Variants in CCDC77 observed in about 807,000 individuals in gnomAD.
CCDC77 encodes coiled-coil domain containing 77.
CCDC77 carries 56 observed loss-of-function variants against 66.8 expected under a neutral mutation model. The observed-to-expected ratio is 0.84, with a 90% confidence interval of 0.68 to 1.05. The LOEUF is 1.05. CCDC77 is among the 50% of genes least tolerant of loss of function. CCDC77 has a pLI of 0.00. For missense variants in CCDC77, 570 were observed against 576.8 expected (o/e 0.99, Z 0.12); for synonymous variants, 196 against 195.2 (o/e 1.00, Z -0.03).
intron 5 of CCDC77, among the ~76,000 whole-genome samples, chr12:423,306 A>AT (rs1399129967): frequency 1.4e-4 from 17 of 122,636 alleles, no homozygotes; most frequent in South Asian, 2.4e-4. Flanking sequence ...ATATATATAT[A>AT]TATTTTTTTT....
intron 9 of CCDC77, among the ~76,000 whole-genome samples, chr12:434,178 T>C (rs1945704223): frequency 6.6e-6 from 1 of 152,086 alleles, no homozygotes; most frequent in Admixed American, 6.6e-5. Context: ...AAAAAGGTTA[T>C]TTTTAAAATC....
At chr12:418,897 C>T in intron 5 of CCDC77, 2 of 363,002 alleles carry the variant, frequency 5.5e-6, no homozygotes, top group Non-Finnish European at 1.0e-5. Flanking sequence ...TGGGGTTTTG[C>T]CCTGTCAGCC....
At chr12:422,254 G>A (rs1265354694) in intron 5 of CCDC77, among the ~76,000 whole-genome samples, 1 of 152,152 alleles carries the variant, frequency 6.6e-6, no homozygotes, top group Admixed American at 6.5e-5. Flanking sequence ...TGTGTGTGCT[G>A]GGAGTGAGAG....
At chr12:431,034 C>T (rs1471808197) in intron 7 of CCDC77, among the ~76,000 whole-genome samples, 1 of 134,480 alleles carries the variant, frequency 7.4e-6, no homozygotes, top group Non-Finnish European at 1.5e-5. Context: ...GAGCTGAGAT[C>T]GTGCCATTGC....
chr12:415,467 CAT>C (rs754170873), intron 4 of CCDC77, among the ~76,000 whole-genome samples: 11 of 145,020 alleles, frequency 7.6e-5, no homozygotes, highest in Middle Eastern at 3.6e-3. Flanking sequence ...TAATTATTAA[CAT>C]AATAATATGT....
At chr12:391,582 ACATT>A (rs1353626602) in intron 1 of CCDC77, among the ~76,000 whole-genome samples, 2 of 152,258 alleles carry the variant, frequency 1.3e-5, no homozygotes, top group African/African-American at 4.8e-5. Context: ...ATTTTATTAA[ACATT>A]CAATTAAATG....
chr12:408,667 C>T (rs1004366906), intron 2 of CCDC77, among the ~76,000 whole-genome samples: 2 of 152,100 alleles, frequency 1.3e-5, no homozygotes, highest in African/African-American at 2.4e-5. Flanking sequence ...GCACCTCGCT[C>T]TATGTACTGT....
intron 5 of CCDC77, among the ~76,000 whole-genome samples, chr12:428,072 T>A (rs1945568351): frequency 6.6e-6 from 1 of 152,180 alleles, no homozygotes; most frequent in African/African-American, 2.4e-5. Flanking sequence ...GGCAGAAACT[T>A]GGGTGAGGCA....
chr12:390,622 G>A (rs1217988701), intron 1 of CCDC77, among the ~76,000 whole-genome samples: 2 of 152,142 alleles, frequency 1.3e-5, no homozygotes, highest in African/African-American at 4.8e-5. Flanking sequence ...TCTCAGACTT[G>A]AACTGTAGCA....
chr12:407,227 G>A (rs1172668585), intron 2 of CCDC77, among the ~76,000 whole-genome samples: 2 of 152,208 alleles, frequency 1.3e-5, no homozygotes, highest in Non-Finnish European at 2.9e-5. Context: ...ATATTTGGAT[G>A]AGCTAGCCAG....
chr12:434,535 A>G (rs769270131), intron 9 of CCDC77, among the ~76,000 whole-genome samples: 2 of 151,956 alleles, frequency 1.3e-5, no homozygotes, highest in Non-Finnish European at 2.9e-5. Flanking sequence ...TATATTTAGT[A>G]GAGACGGGGT....
chr12:391,973 C>T (rs1395330576), intron 1 of CCDC77, among the ~76,000 whole-genome samples: 2 of 152,226 alleles, frequency 1.3e-5, no homozygotes, highest in East Asian at 3.8e-4. Context: ...CCCACTCCCA[C>T]CTCTCATGCT....
chr12:394,518 A>C (rs1944801468), intron 1 of CCDC77, among the ~76,000 whole-genome samples: 1 of 152,212 alleles, frequency 6.6e-6, no homozygotes, highest in East Asian at 1.9e-4. Flanking sequence ...GCAAATGTCA[A>C]AGTGAACATG....
In CCDC77 at chr12:416,403, A is replaced by ATG. The variant is rs1160327781; in HGVS notation, c.271-2090_271-2089insGT. Reference sequence around the variant, plus strand: ...TATATATATATATATATATATATATATATATATATATATTTCTTTTTTTTT... The same window carrying ATG: ...TATATATATATATATATATATATATATGTATATATATATATTTCTTTTTTTTT... On this transcript the variant is annotated intron_variant, in intron 4 of 12. Transcript: ENST00000239830. Among the ~76,000 whole-genome samples the ATG allele has an allele frequency of 3.0e-3, 153 of 51,270 alleles. 14 individuals are homozygous for ATG. The South Asian group carries it at 0.095, about 32-fold the overall frequency. 33.6% of individuals were successfully genotyped at this position (51,270 alleles called of 152,430 possible). A position where few individuals can be genotyped will look rare whatever the true frequency, so the allele number is the denominator to read the frequency against.
chr12:426,995 C>T (rs986898786), intron 5 of CCDC77, among the ~76,000 whole-genome samples: 3 of 152,094 alleles, frequency 2.0e-5, no homozygotes, highest in Admixed American at 6.6e-5. Flanking sequence ...CTGGTAATCC[C>T]AGCACTTTGG....
chr12:405,136 T>C (rs1027196345), intron 1 of CCDC77, among the ~76,000 whole-genome samples: 1 of 152,238 alleles, frequency 6.6e-6, no homozygotes, highest in Non-Finnish European at 1.5e-5. Context: ...TACTGATACA[T>C]GGTACCACAT....
At chr12:391,420 A>G (rs945503751) in intron 1 of CCDC77, among the ~76,000 whole-genome samples, 4 of 151,674 alleles carry the variant, frequency 2.6e-5, no homozygotes, top group Admixed American at 1.3e-4. Context: ...GTGCCACTGT[A>G]CTCCAGCCTA....
intron 9 of CCDC77, among the ~76,000 whole-genome samples, chr12:437,987 C>T (rs1253979608): frequency 1.3e-5 from 2 of 152,034 alleles, no homozygotes; most frequent in Non-Finnish European, 2.9e-5. Flanking sequence ...GTCAGAACAC[C>T]GTGATTTAGT....
At chr12:423,114 C>CTT (rs139334337) in intron 5 of CCDC77, among the ~76,000 whole-genome samples, 1,547 of 74,520 alleles carry the variant, frequency 0.021, 101 homozygotes, top group African/African-American at 0.024. Flanking sequence ...TCTTTTAAGC[C>CTT]TTTTTTTTTT....
Sources: gnomAD v4.1 joint callset for allele counts (sites outside exome capture counted in the v4.1 genomes callset) on GRCh38, gnomAD v4.1.1 for gene constraint, MANE v1.5 for transcripts, NCBI Gene and HGNC (gene_info 2026-07-23, HGNC 2026-07-21) for gene names.